Variants in GRM7 observed in about 807,000 individuals in gnomAD.
The protein encoded by GRM7 is glutamate metabotropic receptor 7, also known as metabotropic glutamate receptor 7.
GRM7 carries 35 observed loss-of-function variants against 84.5 expected under a neutral mutation model. The ratio of observed to expected loss-of-function variants is 0.41; its 90% CI spans 0.32 to 0.55. GRM7 has a LOEUF of 0.55. Among genes scored for constraint, GRM7 ranks in the 20% least tolerant of loss-of-function variants. GRM7 has a pLI of 0.19. For synonymous variants in GRM7, 487 were observed against 455.1 expected, an observed-to-expected ratio of 1.07 and a Z score of -0.89; for missense variants, 1,003 against 1,194.6, an observed-to-expected ratio of 0.84 and a Z score of 2.36.
intron 1 of GRM7, among the ~76,000 whole-genome samples, chr3:7,009,792 A>G (rs566981161): frequency 3.7e-4 from 57 of 152,310 alleles, no homozygotes; most frequent in Admixed American, 5.9e-4. Context: ...ACTAGGGTCC[A>G]TTAGCCTCCA....
At chr3:7,664,170 G>C (rs3804847) in intron 8 of GRM7, among the ~76,000 whole-genome samples, 8,402 of 152,192 alleles carry the variant, frequency 0.055, 694 homozygotes, top group African/African-American at 0.18. Context: ...CCCAAGATGA[G>C]AGTCCTCTTT....
intron 8 of GRM7, among the ~76,000 whole-genome samples, chr3:7,647,750 A>C (rs542392049): frequency 5.3e-5 from 8 of 152,152 alleles, no homozygotes; most frequent in Non-Finnish European, 8.8e-5. Flanking sequence ...ACAGACAACA[A>C]ATGTGCTACA....
intron 7 of GRM7, among the ~76,000 whole-genome samples, chr3:7,524,194 A>G (rs1700705114): frequency 6.6e-6 from 1 of 151,312 alleles, no homozygotes; most frequent in South Asian, 2.1e-4. Flanking sequence ...CATTCAGGAC[A>G]TAGGCATGGG....
chr3:7,011,229 C>G (rs1695358026), intron 1 of GRM7, among the ~76,000 whole-genome samples: 1 of 152,066 alleles, frequency 6.6e-6, no homozygotes, highest in Non-Finnish European at 1.5e-5. Flanking sequence ...GTACCTGGCA[C>G]ATACATTAAT....
intron 4 of GRM7, among the ~76,000 whole-genome samples, chr3:7,340,572 G>C (rs1304128810): frequency 6.6e-6 from 1 of 152,128 alleles, no homozygotes; most frequent in Non-Finnish European, 1.5e-5. Context: ...AATTCAAGAT[G>C]AGATTTGGGT....
At chr3:7,668,980 C>T (rs1330857243) in intron 8 of GRM7, among the ~76,000 whole-genome samples, 2 of 152,214 alleles carry the variant, frequency 1.3e-5, no homozygotes, top group African/African-American at 4.8e-5. Flanking sequence ...TACTACTTTT[C>T]ATTTTGTATT....
At chr3:7,421,494 A>G (rs773814321) in intron 5 of GRM7, among the ~76,000 whole-genome samples, 1 of 152,166 alleles carries the variant, frequency 6.6e-6, no homozygotes, top group Non-Finnish European at 1.5e-5. Context: ...AAAACCCCTT[A>G]TCCCACATGG....
chr3:6,923,606 A>G (rs926598962), intron 1 of GRM7, among the ~76,000 whole-genome samples: 2 of 152,122 alleles, frequency 1.3e-5, no homozygotes, highest in African/African-American at 4.8e-5. Context: ...TACTATATCT[A>G]TGATAGGGTT....
chr3:7,076,021 A>G (rs1261064865), intron 1 of GRM7, among the ~76,000 whole-genome samples: 1 of 152,116 alleles, frequency 6.6e-6, no homozygotes, highest in Non-Finnish European at 1.5e-5. Context: ...GGGGAAAAAA[A>G]GAAAAAAACA....
intron 9 of GRM7, among the ~76,000 whole-genome samples, chr3:7,689,961 G>A (rs1021526455): frequency 6.6e-6 from 1 of 152,112 alleles, no homozygotes; most frequent in Non-Finnish European, 1.5e-5. Flanking sequence ...CTTCCTCAAG[G>A]TATGTGCCAA....
intron 4 of GRM7, among the ~76,000 whole-genome samples, chr3:7,320,776 A>T (rs938274827): frequency 1.3e-5 from 2 of 150,830 alleles, no homozygotes; most frequent in Non-Finnish European, 1.5e-5. Flanking sequence ...GTTGCATATA[A>T]TAGTAGTTCT....
intron 7 of GRM7, among the ~76,000 whole-genome samples, chr3:7,530,995 G>T (rs569666719): frequency 6.6e-6 from 1 of 152,140 alleles, no homozygotes; most frequent in African/African-American, 2.4e-5. Flanking sequence ...AATTACTTTT[G>T]GTGTTTTAGT....
At chr3:7,533,797 A>T (rs1418965879) in intron 7 of GRM7, among the ~76,000 whole-genome samples, 2 of 152,194 alleles carry the variant, frequency 1.3e-5, no homozygotes, top group African/African-American at 4.8e-5. Flanking sequence ...GCCTATGTTC[A>T]ACTGCCAACT....
intron 1 of GRM7, among the ~76,000 whole-genome samples, chr3:7,019,770 A>C (rs2124909478): frequency 6.6e-6 from 1 of 152,318 alleles, no homozygotes; most frequent in East Asian, 1.9e-4. Flanking sequence ...TACATCCGTA[A>C]ATAAAATCTC....
rs1284337696 is a variant in GRM7 at position 7,229,761 on chromosome 3, T to TA, written c.737-68923_737-68922insA. ...TATATATATATATATATATATATAT[T>TA]TTTTTTTTTTTTTGGTTGACAGGTG... is the stretch of plus-strand genomic sequence containing the variant. On this transcript the variant is annotated intron_variant, in intron 2 of 9. Coordinates refer to ENST00000357716, the MANE Select transcript of GRM7 (RefSeq NM_000844.4). Among the ~76,000 whole-genome samples, 80 of 25,596 alleles carry TA rather than the reference T, an allele frequency of 3.1e-3. 1 individual carries two copies. The highest frequency in any genetic ancestry group is 7.2e-3 in the South Asian group (4 of 552). The allele number at this position is 25,596 out of a possible 152,430, so 16.8% of individuals were successfully genotyped here.
chr3:6,869,663 G>C (rs1695053155), intron 1 of GRM7, among the ~76,000 whole-genome samples: 1 of 150,966 alleles, frequency 6.6e-6, no homozygotes, highest in Non-Finnish European at 1.5e-5. Context: ...AGGAGAGAGA[G>C]AGTGAGAGAT....
chr3:7,721,235 A>G (rs892012898), intron 9 of GRM7, among the ~76,000 whole-genome samples: 4 of 152,216 alleles, frequency 2.6e-5, no homozygotes, highest in South Asian at 2.1e-4. Context: ...TGGTTTTTTC[A>G]TAAAGATTCA....
At chr3:6,924,828 T>G (rs558405769) in intron 1 of GRM7, among the ~76,000 whole-genome samples, 3 of 152,176 alleles carry the variant, frequency 2.0e-5, no homozygotes, top group Non-Finnish European at 4.4e-5. Context: ...GGCTGTGATA[T>G]GGATGCCTCC....
chr3:7,566,588 A>G (rs986864778), intron 7 of GRM7, among the ~76,000 whole-genome samples: 2 of 152,190 alleles, frequency 1.3e-5, no homozygotes, highest in Admixed American at 6.5e-5. Context: ...TAGCAAATAA[A>G]TTGTTTACAA....
Sources: gnomAD v4.1 joint callset for allele counts (sites outside exome capture counted in the v4.1 genomes callset) on GRCh38, gnomAD v4.1.1 for gene constraint, MANE v1.5 for transcripts, NCBI Gene and HGNC (gene_info 2026-07-23, HGNC 2026-07-21) for gene names.